The following PLEKHG4 variants were observed in gnomAD, a reference collection of about 807,000 sequenced individuals.
PLEKHG4 encodes pleckstrin homology and RhoGEF domain containing G4.
A neutral mutation model predicts 136.9 loss-of-function variants in PLEKHG4; 85 were observed. That is an observed-to-expected ratio of 0.62 (90% CI 0.52 to 0.74). PLEKHG4 has a LOEUF of 0.74. PLEKHG4 is among the 30% of genes least tolerant of loss of function. PLEKHG4 has a pLI of 0.00. For missense variants in PLEKHG4, 1,317 were observed against 1,527.8 expected, an observed-to-expected ratio of 0.86 and a Z score of 2.30; for synonymous variants, 577 against 646.9, an observed-to-expected ratio of 0.89 and a Z score of 1.64.
chr16:67,288,660 T>C, intron 21 of PLEKHG4, 56 bp downstream of exon 21: 1 of 1,608,012 alleles, frequency 6.2e-7, no homozygotes, highest in Non-Finnish European at 8.5e-7. Flanking sequence ...GCTGAGCCTG[T>C]GACTGTGACC....
chr16:67,284,413 C>T lies in PLEKHG4; in HGVS notation c.1648C>T (p.Gln550Ter). ...EFSRALAQRCQRLADAERLFQ... is the reference protein window; with the variant it reads ...EFSRALAQRC ...CTCTAGGGCTTTGGCCCAGCGGTGC[C>T]AGCGGCTGGCGGATGCTGAGAGGCT... Residue 550 changes from glutamine (Q) to a stop codon, truncating the protein, a stop_gained, in exon 12 of 22, where the codon CAG (glutamine) becomes TAG (stop). Coordinates refer to ENST00000379344, the MANE Select transcript of PLEKHG4 (RefSeq NM_001129729.3). LOFTEE classifies it high-confidence loss of function. The surrounding 1 kb of genome is among the most constrained non-coding windows in gnomAD (Gnocchi z 4.4). The T allele has an allele frequency of 6.2e-7, 1 of 1,614,128 alleles. No homozygotes were observed. Among genetic ancestry groups the T allele is most frequent in the Non-Finnish European group, 8.5e-7 (1 of 1,180,012 alleles).
chr16:67,288,263 G>T lies in PLEKHG4; in HGVS notation c.3317G>T (p.Cys1106Phe), dbSNP rs1339423577. 2.5e-6 allele frequency: 4 copies of T among 1,613,484 alleles called. No homozygotes were observed. The highest frequency in any genetic ancestry group is 4.5e-5 in the East Asian group (2 of 44,890). The change falls in exon 20 of 22, where the codon TGC becomes TTC. Residue 1106 changes from cysteine (C) to phenylalanine (F), a missense_variant. Transcript: ENST00000379344. ...TCCCTTCCTGGAGACCCTGCCTCTT[G>T]CTCTGTTCTGGGGTCCCTCAACCTG... ...SNSLPGDPAS[C>F]SVLGSLNLHL...
In PLEKHG4 at chr16:67,284,407, C is replaced by T. The variant is rs1441306183; in HGVS notation, c.1642C>T (p.Arg548Trp). 8.7e-6 allele frequency: 14 copies of T among 1,613,946 alleles called. No individual in the cohort carries two copies. Among genetic ancestry groups the T allele is most frequent in the Admixed American group, 5.0e-5 (3 of 60,006 alleles). The change falls in exon 12 of 22, where the codon CGG (arginine) becomes TGG (tryptophan). Residue 548 changes from arginine to tryptophan, a missense_variant. By Grantham distance (101) the Arg-to-Trp change is moderately radical. Coordinates refer to ENST00000379344, the MANE Select transcript of PLEKHG4 (RefSeq NM_001129729.3). This position sits in a 1 kb window ranked among gnomAD's most constrained non-coding sequence, Gnocchi z 4.4. Reference sequence around the variant, plus strand: ...TGAATTCTCTAGGGCTTTGGCCCAGCGGTGCCAGCGGCTGGCGGATGCTGA... The same window carrying T: ...TGAATTCTCTAGGGCTTTGGCCCAGTGGTGCCAGCGGCTGGCGGATGCTGA... ...LTEFSRALAQ[R>W]CQRLADAERL...
chr16:67,282,103 C>G lies in PLEKHG4; in HGVS notation c.1100C>G (p.Pro367Arg). 1 of 1,613,358 alleles carries G rather than the reference C, an allele frequency of 6.2e-7. No individual in the cohort carries two copies. Among genetic ancestry groups the G allele is most frequent in the Non-Finnish European group, 8.5e-7 (1 of 1,179,808 alleles). Residue 367 changes from proline (P) to arginine (R), a missense_variant, in exon 8 of 22, where the codon CCT (proline) becomes CGT (arginine). Pro to Arg is a moderately radical substitution (Grantham distance 103, BLOSUM62 -2). Coordinates refer to ENST00000379344, the MANE Select transcript of PLEKHG4 (RefSeq NM_001129729.3). Reference protein sequence around the residue: ...SVKAVPQPMEPGEVGQLLQQT... With the variant: ...SVKAVPQPMERGEVGQLLQQT... The stretch of plus-strand genomic sequence containing the variant: ...AAGGCTGTGCCCCAGCCCATGGAGC[C>G]TGGGGTGAGTGTCCCCTCCCAGTCC...
At chr16:67,282,901 A>G in intron 11 of PLEKHG4, 43 bp downstream of exon 11, 1 of 1,368,080 alleles carries the variant, frequency 7.3e-7, no homozygotes, top group South Asian at 1.2e-5. Flanking sequence ...TTGGGATGCA[A>G]TGCCAGGAAC....
Position 67,280,999 on chromosome 16 carries a change from T to C in PLEKHG4, c.713T>C (p.Ile238Thr). ...LIRLLLYLRS[I>T]PRPEVQALGL... ...CGCCTCCTGCTGTACCTGCGAAGCA[T>C]CCCCAGGTTTGAGGGAGGGGGTTGG... The change falls in exon 4 of 22, where the codon ATC becomes ACC. Residue 238 changes from isoleucine (I) to threonine (T), a missense_variant. Physicochemically the swap from Ile to Thr is moderately conservative, Grantham distance 89. Coordinates refer to ENST00000379344, the MANE Select transcript of PLEKHG4 (RefSeq NM_001129729.3). The surrounding 1 kb of genome is among the most constrained non-coding windows in gnomAD (Gnocchi z 4.4). The C allele has an allele frequency of 6.2e-7, 1 of 1,614,026 alleles. No homozygotes were observed. Among genetic ancestry groups the C allele is most frequent in the Non-Finnish European group, 8.5e-7 (1 of 1,180,016 alleles).
In PLEKHG4 at chr16:67,280,683, G is replaced by A. The variant is rs2036170997; in HGVS notation, c.500-28G>A. 1 of 1,613,942 alleles carries A rather than the reference G, an allele frequency of 6.2e-7. No homozygotes were observed. Among genetic ancestry groups the A allele is most frequent in the South Asian group, 1.1e-5 (1 of 91,082 alleles). ...GGGGTCTCTGGATAGGTGGTCCAAG[G>A]CAGACCCAAGTCATTTCCCTTCCCA... On this transcript the variant is annotated intron_variant, in intron 2 of 21. Coordinates refer to ENST00000379344, the MANE Select transcript of PLEKHG4 (RefSeq NM_001129729.3). The surrounding 1 kb of genome is among the most constrained non-coding windows in gnomAD (Gnocchi z 4.4).
At chr16:67,287,455 AG>A in intron 18 of PLEKHG4, 1 of 548,238 alleles carries the variant, frequency 1.8e-6, no homozygotes, top group Non-Finnish European at 3.3e-6. Flanking sequence ...GATGGCGTGC[AG>A]TGGCATGATC....
intron 21 of PLEKHG4, 85 bp from the exon 22 acceptor site, chr16:67,288,718 G>A: frequency 6.3e-7 from 1 of 1,599,882 alleles, no homozygotes; most frequent in African/African-American, 1.3e-5. Context: ...TAGAGCTTGG[G>A]GTGGGTGGGC....
At position 67,285,089 on chromosome 16, in the gene PLEKHG4, C is replaced by A; in HGVS notation, c.2069C>A (p.Ala690Asp). Residue 690 changes from alanine (A) to aspartate (D), a missense_variant, in exon 13 of 22, where the codon GCC (alanine) becomes GAC (aspartate). By Grantham distance (126) the Ala-to-Asp change is moderately radical. Coordinates refer to ENST00000379344, the MANE Select transcript of PLEKHG4 (RefSeq NM_001129729.3). ...RNLGQSLSEP[A>D]CHCHHAATIA... ...CTGGGGCAGAGTCTCAGTGAACCTG[C>A]CTGCCACTGCCACCATGCGGCCACT... is the stretch of plus-strand genomic sequence containing the variant. The A allele has an allele frequency of 6.2e-7, 1 of 1,613,398 alleles. No homozygotes were observed. The highest frequency in any genetic ancestry group is 2.2e-5 in the East Asian group (1 of 44,876).
rs2036344303 is a variant in PLEKHG4, at chr16:67,284,033, G to A, written c.1510-242G>A. ...CCTGAGAAGCGCTGGGGACGGGGCAGAGTGGAGCTGGAGAGGGCTGGTGCG... is the reference window on the plus strand; with the variant it reads ...CCTGAGAAGCGCTGGGGACGGGGCAAAGTGGAGCTGGAGAGGGCTGGTGCG... On this transcript the variant is annotated intron_variant, in intron 11 of 21. Transcript: ENST00000379344. The surrounding 1 kb of genome is among the most constrained non-coding windows in gnomAD (Gnocchi z 4.4). Among the ~76,000 whole-genome samples the A allele has an allele frequency of 6.6e-6, 1 of 152,140 alleles. No homozygotes were observed. Among genetic ancestry groups the A allele is most frequent in the Admixed American group, 6.6e-5 (1 of 15,264 alleles).
At position 67,281,179 on chromosome 16, in the gene PLEKHG4, C is replaced by G; in HGVS notation, c.808C>G (p.Leu270Val). 6.2e-7 allele frequency: 1 copy of G among 1,600,332 alleles called. No individual in the cohort carries two copies. Among genetic ancestry groups the G allele is most frequent in the South Asian group, 1.1e-5 (1 of 90,792 alleles). The change falls in exon 5 of 22, where the codon CTA becomes GTA. Residue 270 changes from leucine to valine, a missense_variant. Transcript: ENST00000379344. ...TTCCCTCTTCTCTGGGCTCAGCCAA[C>G]TACAAGTGAGTACAGGATTGTAGCT... ...SSSLFSGLSQLQEAAPGAVYQ... is the reference protein window; with the variant it reads ...SSSLFSGLSQVQEAAPGAVYQ...
chr16:67,284,477 G>A lies in PLEKHG4; in HGVS notation c.1692+20G>A. On this transcript the variant is annotated intron_variant, in intron 12 of 21. Transcript: ENST00000379344. The surrounding 1 kb of genome is among the most constrained non-coding windows in gnomAD (Gnocchi z 4.4). ...AGGGAGGTGGGTGAGAGTCTCCCCA[G>A]CTCCAAGTGATCCATGAGGCCGGAG... 1 of 1,610,774 alleles carries A rather than the reference G, an allele frequency of 6.2e-7. No homozygotes were observed. The highest frequency in any genetic ancestry group is 8.5e-7 in the Non-Finnish European group (1 of 1,177,374).
In PLEKHG4 at chr16:67,280,509, C is replaced by T. The variant is rs1484528109; in HGVS notation, c.465C>T (p.Asp155=). 3 of 1,611,122 alleles carry T rather than the reference C, an allele frequency of 1.9e-6. No individual in the cohort carries two copies. Among genetic ancestry groups the T allele is most frequent in the Non-Finnish European group, 1.7e-6 (2 of 1,178,920 alleles). Residue 155 remains aspartate (D), a synonymous_variant, in exon 2 of 22, where the codon GAC becomes GAT. Transcript: ENST00000379344. This position sits in a 1 kb window ranked among gnomAD's most constrained non-coding sequence, Gnocchi z 4.4. ...ALDSDPVGLG[D]PLSEISKLLE... is the part of the protein sequence containing the mutation. Reference sequence around the variant, plus strand: ...ACAGCGACCCTGTGGGCCTTGGAGACCCTTTATCAGAAATATCAAAGCTGC... The same window carrying T: ...ACAGCGACCCTGTGGGCCTTGGAGATCCTTTATCAGAAATATCAAAGCTGC...
Position 67,281,489 on chromosome 16 carries a change from G to A in PLEKHG4, c.814-78G>A, listed in dbSNP as rs898431570. ...TGATCCTCCCGCCTCGCCTCCCAGA[G>A]TGCCGCAATTACAGGCGTGAGCCAC... On this transcript the variant is annotated intron_variant, in intron 5 of 21. Coordinates refer to ENST00000379344, the MANE Select transcript of PLEKHG4 (RefSeq NM_001129729.3). The A allele has an allele frequency of 2.0e-4, 252 of 1,236,104 alleles. 1 individual carries two copies. The highest frequency in any genetic ancestry group is 8.2e-4 in the Middle Eastern group (4 of 4,862). The allele number at this position is 1,236,104 out of a possible 1,614,324, so 76.6% of individuals were successfully genotyped here.
At position 67,282,625 on chromosome 16, in the gene PLEKHG4, A is replaced by C; in HGVS notation, c.1376A>C (p.Glu459Ala). ...LELVQTLEAR[E>A]SGLHQIEVWL... ...TTGGTCCAAACACTGGAGGCCCGGG[A>C]AAGCGGACTGCACCAGGTCGGAACT... Residue 459 changes from glutamate (E) to alanine (A), a missense_variant, in exon 10 of 22, where the codon GAA becomes GCA. Transcript: ENST00000379344. The C allele has an allele frequency of 6.2e-7, 1 of 1,613,906 alleles. No individual in the cohort carries two copies. The highest frequency in any genetic ancestry group is 8.5e-7 in the Non-Finnish European group (1 of 1,180,052).
At position 67,285,385 on chromosome 16, in the gene PLEKHG4, G is replaced by T; in HGVS notation, c.2291G>T (p.Arg764Leu). Reference sequence around the variant, plus strand: ...GAGAACTATTTCCCCGAGCTGGATCGCCCCGATGTGCCCCAGGGCCTCCGC... The same window carrying T: ...GAGAACTATTTCCCCGAGCTGGATCTCCCCGATGTGCCCCAGGGCCTCCGC... ...TMENYFPELDRPDVPQGLRGQ... is the reference protein window; with the variant it reads ...TMENYFPELDLPDVPQGLRGQ... Residue 764 changes from arginine (R) to leucine (L), a missense_variant, in exon 14 of 22, where the codon CGC becomes CTC. By Grantham distance (102) the Arg-to-Leu change is moderately radical (BLOSUM62 -2). Coordinates refer to ENST00000379344, the MANE Select transcript of PLEKHG4 (RefSeq NM_001129729.3). 1.2e-6 allele frequency: 2 copies of T among 1,614,202 alleles called. No homozygotes were observed. The highest frequency in any genetic ancestry group is 1.7e-6 in the Non-Finnish European group (2 of 1,180,048).
rs1567443716 is a variant in PLEKHG4, at chr16:67,288,517, AT to A, written c.3484del (p.Cys1162AlafsTer78). On this transcript the variant is annotated frameshift_variant, in exon 21 of 22. Coordinates refer to ENST00000379344, the MANE Select transcript of PLEKHG4 (RefSeq NM_001129729.3). LOFTEE classifies it high-confidence loss of function. The stretch of plus-strand genomic sequence containing the variant: ...CTGAGGACTCAGAGATCTCGTCCCA[AT>A]GCCCATCAGCCAGTGGCTCCAGTGG... ...TAEDSEISSQ[C>X]PSASGSSGSD... 1 of 1,614,038 alleles carries A rather than the reference AT, an allele frequency of 6.2e-7. No individual in the cohort carries two copies. The highest frequency in any genetic ancestry group is 1.7e-5 in the Admixed American group (1 of 60,024).
chr16:67,281,622 AG>A lies in PLEKHG4; in HGVS notation c.871del (p.Glu291LysfsTer17), dbSNP rs1193536862. 1.2e-6 allele frequency: 2 copies of A among 1,614,042 alleles called. No individual in the cohort carries two copies. Among genetic ancestry groups the A allele is most frequent in the East Asian group, 2.2e-5 (1 of 44,886 alleles). On this transcript the variant is annotated frameshift_variant, in exon 6 of 22. Transcript: ENST00000379344. LOFTEE classifies it high-confidence loss of function. ...CTGCTAGTGGGAAGCACGCTGCTGAAGGAAGTGCCTTCCGGGCTGCAGGTAC... is the reference window on the plus strand; with the variant it reads ...CTGCTAGTGGGAAGCACGCTGCTGAAGAAGTGCCTTCCGGGCTGCAGGTAC... ...QVLLVGSTLLKEVPSGLQLEQ... is the reference protein window; with the variant it reads ...QVLLVGSTLLXEVPSGLQLEQ...
Sources: gnomAD v4.1 joint callset for allele counts (sites outside exome capture counted in the v4.1 genomes callset) on GRCh38, gnomAD v4.1.1 for gene constraint, Gnocchi (gnomAD v3.1) non-coding constraint, MANE v1.5 for transcripts, NCBI Gene and HGNC (gene_info 2026-07-23, HGNC 2026-07-21) for gene names.